Variants in ROBO2 observed in about 807,000 individuals in gnomAD.
The protein encoded by ROBO2 is roundabout homolog 2.
A neutral mutation model predicts 160.8 loss-of-function variants in ROBO2; 53 were observed. That is an observed-to-expected ratio of 0.33 (90% CI 0.26 to 0.41). ROBO2 has a LOEUF of 0.41. Among genes scored for constraint, ROBO2 ranks in the 10% least tolerant of loss-of-function variants. The pLI, the probability that ROBO2 is intolerant of heterozygous loss-of-function variation, is 1.00. For synonymous variants in ROBO2, 664 were observed against 611.7 expected (o/e 1.09, Z -1.26); for missense variants, 1,577 against 1,722.4 (o/e 0.92, Z 1.49).
chr3:77,620,272 C>T lies in ROBO2; in HGVS notation c.3555-1955C>T, dbSNP rs143370858. Among the ~76,000 whole-genome samples, 174 of 152,182 alleles carry T rather than the reference C, an allele frequency of 1.1e-3. 3 individuals carry two copies. The highest frequency in any genetic ancestry group is 1.5e-3 in the Admixed American group (23 of 15,266). ...TTTAACAAATAATAATTCCCAGGCTCCACCTCCCAGGATCTGTTTCTATTG... is the reference window on the plus strand; with the variant it reads ...TTTAACAAATAATAATTCCCAGGCTTCACCTCCCAGGATCTGTTTCTATTG... On this transcript the variant is annotated intron_variant, in intron 22 of 25. Transcript: ENST00000461745.
intron 2 of ROBO2, among the ~76,000 whole-genome samples, chr3:76,364,724 G>A (rs541676992): frequency 1.4e-4 from 21 of 152,170 alleles, no homozygotes; most frequent in African/African-American, 4.8e-4. Flanking sequence ...GAACAATAGT[G>A]ACTATTCTGA....
At chr3:76,404,245 A>G (rs915017116) in intron 2 of ROBO2, among the ~76,000 whole-genome samples, 10 of 151,676 alleles carry the variant, frequency 6.6e-5, no homozygotes, top group African/African-American at 2.4e-4. Context: ...TTAAGTGTAT[A>G]TATTATTTAG....
At chr3:77,154,135 T>G (rs1055013923) in intron 2 of ROBO2, among the ~76,000 whole-genome samples, 1 of 151,852 alleles carries the variant, frequency 6.6e-6, no homozygotes, top group African/African-American at 2.4e-5. Flanking sequence ...AAAAAAAACT[T>G]GTGAGAACAT....
At chr3:75,969,153 A>C (rs2064907543) in intron 2 of ROBO2, among the ~76,000 whole-genome samples, 1 of 148,478 alleles carries the variant, frequency 6.7e-6, no homozygotes. Context: ...TATTTATATT[A>C]TTATTACAGA....
chr3:77,038,235 A>C (rs956471625), upstream of ROBO2, among the ~76,000 whole-genome samples: 1 of 152,216 alleles, frequency 6.6e-6, no homozygotes, highest in Non-Finnish European at 1.5e-5. Flanking sequence ...TGAGAATTCA[A>C]GTGATTCAAC....
chr3:76,888,183 T>A (rs183029466), intron 2 of ROBO2, among the ~76,000 whole-genome samples: 3 of 152,038 alleles, frequency 2.0e-5, no homozygotes, highest in Non-Finnish European at 2.9e-5. Flanking sequence ...GCCTGGCTAA[T>A]GTGGTGAAAC....
At chr3:76,775,113 T>A (rs1326820032) in intron 2 of ROBO2, among the ~76,000 whole-genome samples, 3 of 150,746 alleles carry the variant, frequency 2.0e-5, no homozygotes. Context: ...AAATTTCAAG[T>A]CTTATTATGT....
At chr3:77,465,674 T>A (rs1004009719) in intron 2 of ROBO2, among the ~76,000 whole-genome samples, 2 of 152,204 alleles carry the variant, frequency 1.3e-5, no homozygotes, top group Non-Finnish European at 2.9e-5. Flanking sequence ...CCATGAGTTT[T>A]AAAATATTTA....
chr3:76,620,187 G>A (rs2088950202), intron 2 of ROBO2, among the ~76,000 whole-genome samples: 1 of 152,028 alleles, frequency 6.6e-6, no homozygotes, highest in African/African-American at 2.4e-5. Context: ...CAAATGTCAA[G>A]GTTATTTGTA....
At chr3:76,012,662 A>T (rs2066228207) in intron 2 of ROBO2, among the ~76,000 whole-genome samples, 1 of 152,172 alleles carries the variant, frequency 6.6e-6, no homozygotes, top group Admixed American at 6.5e-5. Flanking sequence ...GTAGGTAAAT[A>T]AATGCTTAAA....
At chr3:76,567,713 A>G (rs1275168490) in intron 2 of ROBO2, among the ~76,000 whole-genome samples, 2 of 136,528 alleles carry the variant, frequency 1.5e-5, no homozygotes, top group East Asian at 2.1e-4. Context: ...GTATATGTGT[A>G]TATATATATG....
chr3:75,976,228 A>C (rs536315521), intron 2 of ROBO2, among the ~76,000 whole-genome samples: 1 of 151,674 alleles, frequency 6.6e-6, no homozygotes, highest in Non-Finnish European at 1.5e-5. Flanking sequence ...AAATGTGTAC[A>C]TGTGTTTAAA....
intron 2 of ROBO2, among the ~76,000 whole-genome samples, chr3:76,835,580 T>G (rs900400659): frequency 6.6e-6 from 1 of 151,570 alleles, no homozygotes; most frequent in South Asian, 2.1e-4. Context: ...TATGTTAAGT[T>G]TGATAAGAAC....
At chr3:76,817,409 T>C (rs773135454) in intron 2 of ROBO2, among the ~76,000 whole-genome samples, 7 of 152,120 alleles carry the variant, frequency 4.6e-5, no homozygotes, top group Non-Finnish European at 7.4e-5. Flanking sequence ...TTTTTCATGC[T>C]GAAACAAACA....
intron 2 of ROBO2, among the ~76,000 whole-genome samples, chr3:76,443,495 A>G (rs1015437012): frequency 1.3e-5 from 2 of 152,088 alleles, no homozygotes; most frequent in African/African-American, 4.8e-5. Context: ...TACTACCACG[A>G]CTGCTATTAC....
intron 2 of ROBO2, among the ~76,000 whole-genome samples, chr3:75,963,350 C>G (rs1948992928): frequency 6.6e-6 from 1 of 151,602 alleles, no homozygotes; most frequent in African/African-American, 2.4e-5. Context: ...CCACACCCAG[C>G]TTTATTTTTT....
At chr3:77,373,114 T>A (rs191799033) in intron 2 of ROBO2, among the ~76,000 whole-genome samples, 99 of 147,072 alleles carry the variant, frequency 6.7e-4, no homozygotes, top group African/African-American at 2.4e-3. Flanking sequence ...ATTTTAAAAT[T>A]ATTATAAAAG....
chr3:76,215,600 A>G (rs1025578597), intron 2 of ROBO2, among the ~76,000 whole-genome samples: 1 of 152,186 alleles, frequency 6.6e-6, no homozygotes, highest in African/African-American at 2.4e-5. Context: ...CGTGAAGAGA[A>G]GTTTAGAGAA....
At chr3:76,305,782 A>G (rs1376702962) in intron 2 of ROBO2, among the ~76,000 whole-genome samples, 2 of 151,462 alleles carry the variant, frequency 1.3e-5, no homozygotes, top group East Asian at 1.9e-4. Context: ...GTCCACTTCT[A>G]TTAGTTGGTC....
Sources: gnomAD v4.1 joint callset for allele counts (sites outside exome capture counted in the v4.1 genomes callset) on GRCh38, gnomAD v4.1.1 for gene constraint, MANE v1.5 for transcripts, NCBI Gene and HGNC (gene_info 2026-07-23, HGNC 2026-07-21) for gene names.